The following RNF138 variants were observed in gnomAD, a reference collection of about 807,000 sequenced individuals.
RNF138 encodes the protein E3 ubiquitin-protein ligase RNF138.
In RNF138, 12 loss-of-function variants were observed where a neutral mutation model predicts 31.0. The ratio of observed to expected loss-of-function variants is 0.39; its 90% CI spans 0.25 to 0.63. RNF138 has a LOEUF of 0.63. Among genes scored for constraint, RNF138 ranks in the 20% least tolerant of loss-of-function variants. RNF138 has a pLI of 0.52. For missense variants in RNF138, 192 were observed against 300.1 expected (o/e 0.64, Z 2.66); for synonymous variants, 105 against 99.5 (o/e 1.06, Z -0.33).
chr18:32,092,957 G>C, intron 2 of RNF138, 71 bp downstream of exon 2: 1 of 874,556 alleles, frequency 1.1e-6, no homozygotes, highest in East Asian at 3.3e-5. Context: ...CCGGGACCCC[G>C]GGCTGCCGCC....
chr18:32,123,377 C>A (rs1568240116), intron 4 of RNF138, 141 bp from the exon 5 acceptor site: 1 of 484,844 alleles, frequency 2.1e-6, no homozygotes, highest in Non-Finnish European at 3.6e-6. Context: ...TTTCAAGGAC[C>A]CAATAGGAAA....
At chr18:32,105,831 A>G (rs537630064) in intron 2 of RNF138, among the ~76,000 whole-genome samples, 17 of 152,354 alleles carry the variant, frequency 1.1e-4, no homozygotes, top group African/African-American at 3.8e-4. Flanking sequence ...GCAACAGATT[A>G]TATCAGAACA....
intron 2 of RNF138, among the ~76,000 whole-genome samples, chr18:32,099,858 C>T (rs926946168): frequency 1.3e-5 from 2 of 152,188 alleles, no homozygotes; most frequent in African/African-American, 4.8e-5. Flanking sequence ...TATATCGTTT[C>T]ACATATGAGA....
chr18:32,105,559 T>G (rs1290405859), intron 2 of RNF138, among the ~76,000 whole-genome samples: 1 of 152,236 alleles, frequency 6.6e-6, no homozygotes, highest in African/African-American at 2.4e-5. Flanking sequence ...AATAGCTTTA[T>G]ATGTAGAATC....
intron 2 of RNF138, among the ~76,000 whole-genome samples, chr18:32,105,814 A>G (rs1353709871): frequency 6.6e-6 from 1 of 152,226 alleles, no homozygotes; most frequent in Non-Finnish European, 1.5e-5. Context: ...CGTCTGTTCT[A>G]CTTGCTGCAA....
In RNF138 at chr18:32,127,022, T is replaced by A. The variant is rs1278187482; in HGVS notation, c.669+222T>A. ...CCTCCTGTACTAGAGAGAGAATTAA[T>A]AAGAGTAACAGCAAGCACCCAGATT... On this transcript the variant is annotated intron_variant, in intron 7 of 7. Coordinates refer to ENST00000261593, the MANE Select transcript of RNF138 (RefSeq NM_016271.5). Among the ~76,000 whole-genome samples, 13 of 152,194 alleles carry A rather than the reference T, an allele frequency of 8.5e-5. No homozygotes were observed. The East Asian group carries it at 2.5e-3, about 29-fold the overall frequency.
At chr18:32,102,925 C>T (rs1240882011) in intron 2 of RNF138, among the ~76,000 whole-genome samples, 4 of 152,130 alleles carry the variant, frequency 2.6e-5, no homozygotes, top group Non-Finnish European at 5.9e-5. Flanking sequence ...GCCACCATGC[C>T]TGGCCAATTT....
intron 2 of RNF138, 138 bp from the exon 3 acceptor site, chr18:32,111,616 C>T (rs1246935494): frequency 1.5e-6 from 1 of 685,750 alleles, no homozygotes; most frequent in Middle Eastern, 4.1e-4. Flanking sequence ...AGTTACTAAA[C>T]TTCTGAGATT....
At chr18:32,109,533 C>G (rs2040092554) in intron 2 of RNF138, 1 of 152,250 alleles carries the variant, frequency 6.6e-6, no homozygotes, top group Non-Finnish European at 1.5e-5. Flanking sequence ...CTCAGCCTCC[C>G]AAGTGGCTAA....
Position 32,123,542 on chromosome 18 carries a change from T to G in RNF138, c.417T>G (p.Ser139=), listed in dbSNP as rs2040338464. The G allele has an allele frequency of 7.5e-6, 12 of 1,592,818 alleles. No homozygotes were observed. Among genetic ancestry groups the G allele is most frequent in the Non-Finnish European group, 9.4e-6 (11 of 1,171,744 alleles). ...GCAATAGGAGTGAAACATCCACATC[T>G]GATAACACAGAAACTTACCAAGAGA... ...GNSNRSETST[S]DNTETYQENT... The change falls in exon 5 of 8, where the codon TCT becomes TCG. Residue 139 remains serine (S), a synonymous_variant. Coordinates refer to ENST00000261593, the MANE Select transcript of RNF138 (RefSeq NM_016271.5).
intron 4 of RNF138, among the ~76,000 whole-genome samples, chr18:32,122,841 C>CTAAA (rs2040327681): frequency 6.6e-6 from 1 of 152,064 alleles, no homozygotes; most frequent in Non-Finnish European, 1.5e-5. Context: ...AACTAACTAA[C>CTAAA]TAAATAAATA....
At chr18:32,099,480 G>A (rs1456416688) in intron 2 of RNF138, among the ~76,000 whole-genome samples, 1 of 152,080 alleles carries the variant, frequency 6.6e-6, no homozygotes, top group African/African-American at 2.4e-5. Flanking sequence ...TTGGCTCACC[G>A]CAACCTCCAC....
In RNF138 at chr18:32,115,865, C is replaced by T. The variant is rs141077935; in HGVS notation, c.392+2005C>T. ...CCTCTTTCTTGGTTATCCATCGTTG[C>T]ATCACATGCCTTAGCCATGTTGATT... On this transcript the variant is annotated intron_variant, in intron 4 of 7. Coordinates refer to ENST00000261593, the MANE Select transcript of RNF138 (RefSeq NM_016271.5). 3.9e-5 allele frequency among the ~76,000 whole-genome samples: 6 copies of T among 152,286 alleles called. No homozygotes were observed. The East Asian group carries it at 1.2e-3, about 29-fold the overall frequency.
chr18:32,125,853 T>C (rs1020604910), intron 6 of RNF138, among the ~76,000 whole-genome samples: 5 of 152,212 alleles, frequency 3.3e-5, no homozygotes, highest in African/African-American at 1.2e-4. Flanking sequence ...GAAGGTGTAC[T>C]ACCTACTTTG....
At chr18:32,125,016 T>C (rs544409970) in intron 6 of RNF138, 171 bp downstream of exon 6, 15 of 545,594 alleles carry the variant, frequency 2.7e-5, no homozygotes, top group Admixed American at 1.2e-4. Context: ...AAATGAGATA[T>C]TTAAAATTGC....
In RNF138 at chr18:32,104,971, A is replaced by G. The variant is rs184697805; in HGVS notation, c.111-6783A>G. Among the ~76,000 whole-genome samples, 6 of 152,328 alleles carry G rather than the reference A, an allele frequency of 3.9e-5. No individual in the cohort carries two copies. In the East Asian group the frequency reaches 5.8e-4, roughly 15 times the overall value. On this transcript the variant is annotated intron_variant, in intron 2 of 7. Transcript: ENST00000261593. ...AAGAACATGCAGATAGCACAACCCT[A>G]TCAGATATAATGAGATATTATGAAA...
chr18:32,103,286 T>G (rs1439271186), intron 2 of RNF138, among the ~76,000 whole-genome samples: 2 of 151,792 alleles, frequency 1.3e-5, no homozygotes, highest in African/African-American at 4.8e-5. Context: ...ACTCCTGGAG[T>G]TAAGGAATTC....
At chr18:32,118,742 T>C (rs939688815) in intron 4 of RNF138, among the ~76,000 whole-genome samples, 2 of 152,058 alleles carry the variant, frequency 1.3e-5, no homozygotes, top group Non-Finnish European at 2.9e-5. Context: ...GGCAGGAGAA[T>C]TCCTTGAACC....
intron 2 of RNF138, among the ~76,000 whole-genome samples, chr18:32,102,845 G>GGTCTTGA (rs1226516472): frequency 2.0e-5 from 3 of 151,736 alleles, no homozygotes; most frequent in African/African-American, 4.8e-5. Context: ...TGGCCAGGCT[G>GGTCTTGA]GTCTTGAACT....
Sources: gnomAD v4.1 joint callset for allele counts (sites outside exome capture counted in the v4.1 genomes callset) on GRCh38, gnomAD v4.1.1 for gene constraint, MANE v1.5 for transcripts, NCBI Gene and HGNC (gene_info 2026-07-23, HGNC 2026-07-21) for gene names.